Variants in TPR observed in about 807,000 individuals in gnomAD.
TPR encodes the protein translocated promoter region, nuclear basket protein.
Under a neutral mutation model 316.1 loss-of-function variants are expected in TPR, and 51 were observed. That is an observed-to-expected ratio of 0.16 (90% CI 0.13 to 0.20). TPR has a LOEUF of 0.20. Ranked by LOEUF, TPR falls within the 10% of genes least tolerant of loss-of-function variation. The pLI is 1.00. For synonymous variants in TPR, 981 were observed against 914.7 expected, an observed-to-expected ratio of 1.07 and a Z score of -1.31; for missense variants, 2,272 against 2,754.8, an observed-to-expected ratio of 0.82 and a Z score of 3.92.
At chr1:186,362,177 ACT>A in intron 7 of TPR, 109 bp downstream of exon 7, 1 of 833,372 alleles carries the variant, frequency 1.2e-6, no homozygotes, top group South Asian at 1.9e-5. Context: ...GAGGACTCTC[ACT>A]GTTTTATGGG....
At chr1:186,374,404 T>C (rs1167209098) in intron 1 of TPR, among the ~76,000 whole-genome samples, 1 of 152,214 alleles carries the variant, frequency 6.6e-6, no homozygotes, top group Non-Finnish European at 1.5e-5. Flanking sequence ...CACCTAATAT[T>C]CATTTTTGTA....
intron 26 of TPR, 96 bp from the exon 27 acceptor site, chr1:186,343,569 T>TTAA: frequency 9.0e-7 from 1 of 1,111,234 alleles, no homozygotes; most frequent in East Asian, 2.6e-5. Context: ...ATCATTGACT[T>TTAA]TAATAACTAT....
chr1:186,332,048 G>A, intron 38 of TPR, 147 bp downstream of exon 38: 1 of 769,968 alleles, frequency 1.3e-6, no homozygotes, highest in Non-Finnish European at 1.9e-6. Context: ...TGGGTTGTCA[G>A]TGGAATCTTT....
intron 45 of TPR, among the ~76,000 whole-genome samples, chr1:186,320,642 T>C (rs983735502): frequency 3.9e-5 from 6 of 152,360 alleles, no homozygotes; most frequent in Non-Finnish European, 7.3e-5. Context: ...GTGATTTATA[T>C]GTAATTAATT....
Position 186,327,672 on chromosome 1 carries a change from A to G in TPR, c.5689-12T>C, listed in dbSNP as rs764137752. Reference sequence around the variant, plus strand: ...CCCTGGGTAACTCCCTTTAAAAATAAAAAAGTTAAAAAAGAATTAAGAGCC... The same window carrying G: ...CCCTGGGTAACTCCCTTTAAAAATAGAAAAGTTAAAAAAGAATTAAGAGCC... On this transcript the variant is annotated splice_polypyrimidine_tract_variant and intron_variant, in intron 39 of 50. Coordinates refer to ENST00000367478, the MANE Select transcript of TPR (RefSeq NM_003292.3). The G allele has an allele frequency of 6.2e-7, 1 of 1,608,656 alleles. No homozygotes were observed. Among genetic ancestry groups the G allele is most frequent in the South Asian group, 1.1e-5 (1 of 90,606 alleles).
Position 186,332,316 on chromosome 1 carries a change from G to A in TPR, c.5483C>T (p.Pro1828Leu). Residue 1828 changes from proline to leucine, a missense_variant, in exon 38 of 51, where the codon CCA becomes CTA. Physicochemically the swap from Pro to Leu is moderately conservative, Grantham distance 98. This residue lies in a region of TPR where 435 missense variants were observed against 461.1 expected (regional missense o/e 0.94). Transcript: ENST00000367478. ...CTCTTCCTCTTCACGTGTACGCTTT[G>A]GCAAAGAAGAACTGGGGGTAGCCGA... ...TVSATPSSSL[P>L]KRTREEEEDS... 5 of 1,612,150 alleles carry A rather than the reference G, an allele frequency of 3.1e-6. No individual in the cohort carries two copies. The highest frequency in any genetic ancestry group is 4.2e-6 in the Non-Finnish European group (5 of 1,179,100).
rs766307677 is a variant in TPR, at chr1:186,326,222, T to C, written c.5903A>G (p.Asp1968Gly). Residue 1968 changes from aspartate (D) to glycine (G), a missense_variant, in exon 41 of 51, where the codon GAT (aspartate) becomes GGT (glycine). Physicochemically the swap from Asp to Gly is moderately conservative, Grantham distance 94. This residue lies in a region of TPR where 435 missense variants were observed against 461.1 expected (regional missense o/e 0.94). Coordinates refer to ENST00000367478, the MANE Select transcript of TPR (RefSeq NM_003292.3). The part of the protein sequence containing the change: ...NDGEHEDYEE[D>G]EEDDDDDEDD... ...TTCATCATCATCATCATCTTCCTCA[T>C]CCTCTTCATAATCCTAGTAGAAAGT... is the stretch of plus-strand genomic sequence containing the variant. 1.2e-6 allele frequency: 2 copies of C among 1,610,274 alleles called. No homozygotes were observed.
In TPR at chr1:186,313,691, T is replaced by C. The variant is rs774903568; in HGVS notation, c.*280A>G. On this transcript the variant is annotated 3_prime_UTR_variant, in exon 51 of 51. Coordinates refer to ENST00000367478, the MANE Select transcript of TPR (RefSeq NM_003292.3). ...TTCTCTTCCATTTAGATCAATACTA[T>C]AACATTGATGTGCCTAGTAGAACAG... 2 of 1,597,124 alleles carry C rather than the reference T, an allele frequency of 1.3e-6. No homozygotes were observed. The highest frequency in any genetic ancestry group is 1.1e-5 in the South Asian group (1 of 90,714).
chr1:186,346,127 C>A lies in TPR; in HGVS notation c.3096+8G>T. On this transcript the variant is annotated splice_region_variant and intron_variant, in intron 23 of 50. Transcript: ENST00000367478. ...TAAAAAAAAAATTAATACGGTTAAC[C>A]TATTTACCTGTTGTTCCATGCTCTC... 1 of 1,594,258 alleles carries A rather than the reference C, an allele frequency of 6.3e-7. No individual in the cohort carries two copies. The highest frequency in any genetic ancestry group is 8.5e-7 in the Non-Finnish European group (1 of 1,172,686).
intron 25 of TPR, 43 bp downstream of exon 25, chr1:186,344,332 C>G (rs1183277242): frequency 1.7e-5 from 27 of 1,587,430 alleles, no homozygotes; most frequent in Non-Finnish European, 2.2e-5. Flanking sequence ...AAAAACAACT[C>G]TTTCAATTCA....
At chr1:186,319,987 T>C (rs1657730211) in intron 46 of TPR, among the ~76,000 whole-genome samples, 1 of 152,232 alleles carries the variant, frequency 6.6e-6, no homozygotes, top group Non-Finnish European at 1.5e-5. Context: ...CCAACAACTT[T>C]AAAATGGCTA....
Position 186,345,650 on chromosome 1 carries a change from T to G in TPR, c.3143A>C (p.Gln1048Pro), listed in dbSNP as rs756097596. ...KTLSSVQNEV[Q>P]EALQRASTAL... is the part of the protein sequence containing the mutation. Reference sequence around the variant, plus strand: ...TGTGCTTGCTCTCTGAAGAGCTTCTTGTACTTCATTCTGAACACTAGAAAG... The same window carrying G: ...TGTGCTTGCTCTCTGAAGAGCTTCTGGTACTTCATTCTGAACACTAGAAAG... The change falls in exon 24 of 51, where the codon CAA becomes CCA. Residue 1048 changes from glutamine to proline, a missense_variant. By Grantham distance (76) the Gln-to-Pro change is moderately conservative. Coordinates refer to ENST00000367478, the MANE Select transcript of TPR (RefSeq NM_003292.3). 4 of 1,613,358 alleles carry G rather than the reference T, an allele frequency of 2.5e-6. No homozygotes were observed. In the East Asian group the frequency reaches 8.9e-5, roughly 36 times the overall value.
intron 29 of TPR, 51 bp from the exon 30 acceptor site, chr1:186,339,823 T>A (rs746787628): frequency 2.5e-5 from 37 of 1,476,362 alleles, no homozygotes; most frequent in Non-Finnish European, 3.3e-5. Context: ...ATGAAACAAA[T>A]GTGCTATAAT....
chr1:186,351,565 C>A (rs1658862833), intron 19 of TPR, 95 bp from the exon 20 acceptor site: 1 of 1,323,738 alleles, frequency 7.6e-7, no homozygotes, highest in Non-Finnish European at 1.0e-6. Context: ...TATTACAACC[C>A]ATTTCTACAT....
At position 186,355,471 on chromosome 1, in the gene TPR, C is replaced by T; in HGVS notation, c.2110G>A (p.Val704Ile). The T allele has an allele frequency of 6.2e-7, 1 of 1,612,862 alleles. No homozygotes were observed. The highest frequency in any genetic ancestry group is 8.5e-7 in the Non-Finnish European group (1 of 1,179,822). ...GTATTTTGTGATCGCAAATCTGTAA[C>T]TTGTTCTTGAAGTTTCTCAAGCTGC... ...NEQLEKLQEQVTDLRSQNTKI... is the reference protein window; with the variant it reads ...NEQLEKLQEQITDLRSQNTKI... Residue 704 changes from valine (V) to isoleucine (I), a missense_variant, in exon 17 of 51, where the codon GTT (valine) becomes ATT (isoleucine). This residue lies in a region of TPR where 757 missense variants were observed against 859.8 expected (regional missense o/e 0.88). Transcript: ENST00000367478.
At chr1:186,363,744 A>G (rs1053235738) in intron 4 of TPR, among the ~76,000 whole-genome samples, 3 of 152,174 alleles carry the variant, frequency 2.0e-5, no homozygotes. Context: ...ATATGTACTA[A>G]TATGTAGATA....
chr1:186,313,199 G>T lies in TPR; in HGVS notation c.*772C>A. 2.3e-6 allele frequency: 1 copy of T among 428,148 alleles called. No homozygotes were observed. Among genetic ancestry groups the T allele is most frequent in the Non-Finnish European group, 4.3e-6 (1 of 230,506 alleles). 26.5% of individuals were successfully genotyped at this position (428,148 alleles called of 1,614,324 possible). ...TGGCATTTAACAGATACCTTGTTTGGCACAAGGTTATAATGATTTGCATCA... is the reference window on the plus strand; with the variant it reads ...TGGCATTTAACAGATACCTTGTTTGTCACAAGGTTATAATGATTTGCATCA... On this transcript the variant is annotated 3_prime_UTR_variant, in exon 51 of 51. Coordinates refer to ENST00000367478, the MANE Select transcript of TPR (RefSeq NM_003292.3).
chr1:186,370,074 G>C (rs1487602895), intron 3 of TPR, among the ~76,000 whole-genome samples: 1 of 151,988 alleles, frequency 6.6e-6, no homozygotes, highest in East Asian at 1.9e-4. Flanking sequence ...TCTCTGTACT[G>C]ATTTTTATAT....
chr1:186,314,487 A>G, intron 50 of TPR, 142 bp downstream of exon 50: 1 of 548,062 alleles, frequency 1.8e-6, no homozygotes, highest in Non-Finnish European at 3.1e-6. Flanking sequence ...AGATTGGTAA[A>G]TATCACCTGC....
Sources: allele counts gnomAD v4.1 joint callset (sites outside exome capture counted in the v4.1 genomes callset), GRCh38; gene constraint gnomAD v4.1.1; regional missense constraint gnomAD v4.1.1; transcripts MANE v1.5; gene names NCBI Gene and HGNC (gene_info 2026-07-23, HGNC 2026-07-21).